PRKCE: variants seen among roughly 807,000 people sequenced by gnomAD.
PRKCE encodes the protein protein kinase C epsilon type.
PRKCE carries 16 observed loss-of-function variants against 85.4 expected under a neutral mutation model. The observed-to-expected ratio is 0.19, with a 90% CI of 0.13 to 0.28. PRKCE has a LOEUF of 0.28. Among genes scored for constraint, PRKCE ranks in the 10% least tolerant of loss-of-function variants. The pLI, the probability that PRKCE is intolerant of heterozygous loss-of-function variation, is 1.00. For synonymous variants in PRKCE, 388 were observed against 371.5 expected (o/e 1.04, Z -0.51); for missense variants, 573 against 975.2 (o/e 0.59, Z 5.49).
intron 2 of PRKCE, among the ~76,000 whole-genome samples, chr2:45,887,734 C>T (rs1299072904): frequency 2.0e-5 from 3 of 152,190 alleles, no homozygotes. Context: ...AAAGTTGGTA[C>T]CTGGATGCTG....
chr2:45,823,031 T>C (rs7576304), intron 1 of PRKCE, among the ~76,000 whole-genome samples: 75,623 of 152,032 alleles, frequency 0.5, 19,329 homozygotes, highest in Middle Eastern at 0.59. Flanking sequence ...CCCACCCCAA[T>C]TGACCAGGTG....
At chr2:45,682,439 T>A (rs1036674224) in intron 1 of PRKCE, among the ~76,000 whole-genome samples, 5 of 152,192 alleles carry the variant, frequency 3.3e-5, no homozygotes, top group Admixed American at 6.5e-5. Context: ...TTTATTTATT[T>A]TTTTTGAGAC....
chr2:46,024,202 G>A (rs1165636512), intron 10 of PRKCE, among the ~76,000 whole-genome samples: 1 of 152,140 alleles, frequency 6.6e-6, no homozygotes, highest in African/African-American at 2.4e-5. Flanking sequence ...AGTTGCCCAG[G>A]GCACCCTGGA....
intron 14 of PRKCE, among the ~76,000 whole-genome samples, chr2:46,173,090 A>G (rs2104669600): frequency 6.6e-6 from 1 of 152,374 alleles, no homozygotes; most frequent in South Asian, 2.1e-4. Flanking sequence ...GGGTCTGCGA[A>G]CTGCAGCCCA....
intron 10 of PRKCE, among the ~76,000 whole-genome samples, chr2:46,032,359 G>A (rs535307811): frequency 6.6e-6 from 1 of 152,228 alleles, no homozygotes; most frequent in African/African-American, 2.4e-5. Context: ...GGGGAGAGAG[G>A]ACAGCATTTG....
At chr2:46,055,488 A>G (rs868321499) in intron 10 of PRKCE, among the ~76,000 whole-genome samples, 1 of 152,212 alleles carries the variant, frequency 6.6e-6, no homozygotes, top group African/African-American at 2.4e-5. Flanking sequence ...GAAATTCATC[A>G]AAGCTAGTTA....
rs141957763 is a variant in PRKCE at position 46,120,466 on chromosome 2, C to T, written c.1593-24627C>T. Reference sequence around the variant, plus strand: ...TCAGTAGTGCCCAGGCTGGAAAACCCGCTCTAGATGCAAAGTTCTCTGCTC... The same window carrying T: ...TCAGTAGTGCCCAGGCTGGAAAACCTGCTCTAGATGCAAAGTTCTCTGCTC... On this transcript the variant is annotated intron_variant, in intron 11 of 14. Coordinates refer to ENST00000306156, the MANE Select transcript of PRKCE (RefSeq NM_005400.3). 4.8e-3 allele frequency among the ~76,000 whole-genome samples: 734 copies of T among 152,256 alleles called. 9 individuals are homozygous for T. The highest frequency in any genetic ancestry group is 0.017 in the Middle Eastern group (5 of 294).
At chr2:45,892,483 A>G (rs555752021) in intron 2 of PRKCE, among the ~76,000 whole-genome samples, 10 of 152,260 alleles carry the variant, frequency 6.6e-5, no homozygotes, top group African/African-American at 2.4e-4. Flanking sequence ...AGTGTTGACA[A>G]GCTGAGGACT....
intron 2 of PRKCE, among the ~76,000 whole-genome samples, chr2:45,972,048 C>T (rs2104501394): frequency 6.6e-6 from 1 of 152,310 alleles, no homozygotes. Flanking sequence ...ATACTGTTTC[C>T]TATAGTGGCT....
At chr2:45,756,808 G>T (rs1299399006) in intron 1 of PRKCE, among the ~76,000 whole-genome samples, 1 of 152,196 alleles carries the variant, frequency 6.6e-6, no homozygotes, top group Non-Finnish European at 1.5e-5. Context: ...GTTGCCTCAG[G>T]ATGGAGGTTG....
chr2:45,732,608 G>A (rs1292464417), intron 1 of PRKCE, among the ~76,000 whole-genome samples: 1 of 152,146 alleles, frequency 6.6e-6, no homozygotes, highest in East Asian at 1.9e-4. Context: ...TATCTTAGAT[G>A]CTGCTTCCTC....
At chr2:45,906,932 C>G (rs915550178) in intron 2 of PRKCE, among the ~76,000 whole-genome samples, 2 of 152,308 alleles carry the variant, frequency 1.3e-5, no homozygotes, top group African/African-American at 4.8e-5. Flanking sequence ...TCCTGCCGCC[C>G]TTCTTTAAGG....
At chr2:45,991,070 A>T (rs1034816065) in intron 6 of PRKCE, among the ~76,000 whole-genome samples, 1 of 150,484 alleles carries the variant, frequency 6.6e-6, no homozygotes, top group Non-Finnish European at 1.5e-5. Context: ...GCAGCGGTGC[A>T]ATCTCAGCTC....
At chr2:45,806,547 T>C (rs1214524355) in intron 1 of PRKCE, among the ~76,000 whole-genome samples, 1 of 152,224 alleles carries the variant, frequency 6.6e-6, no homozygotes, top group East Asian at 1.9e-4. Flanking sequence ...TCTTTTCATC[T>C]TGTAGAACCG....
chr2:45,916,024 G>C (rs933552839), intron 2 of PRKCE, among the ~76,000 whole-genome samples: 1 of 152,122 alleles, frequency 6.6e-6, no homozygotes, highest in Non-Finnish European at 1.5e-5. Flanking sequence ...ATTGGTGGTA[G>C]AACTTGGAGA....
At chr2:46,152,411 ACCT>A (rs1241439131) in intron 13 of PRKCE, among the ~76,000 whole-genome samples, 1 of 151,948 alleles carries the variant, frequency 6.6e-6, no homozygotes, top group African/African-American at 2.4e-5. Context: ...TGAACTCTTG[ACCT>A]CAGGTGATCC....
chr2:46,177,907 T>A (rs1411447420), intron 14 of PRKCE, among the ~76,000 whole-genome samples: 1 of 152,188 alleles, frequency 6.6e-6, no homozygotes, highest in Non-Finnish European at 1.5e-5. Flanking sequence ...CTTGGCACTG[T>A]TCAGACCGCA....
chr2:45,656,196 C>T (rs1675372221), intron 1 of PRKCE, among the ~76,000 whole-genome samples: 1 of 152,108 alleles, frequency 6.6e-6, no homozygotes, highest in African/African-American at 2.4e-5. Context: ...TTCTTAAGCC[C>T]CACTATTCAT....
At chr2:45,861,887 AGGTTTTGAAAATAAAT>A (rs552785687) in intron 2 of PRKCE, among the ~76,000 whole-genome samples, 31 of 152,292 alleles carry the variant, frequency 2.0e-4, no homozygotes, top group African/African-American at 7.2e-4. Flanking sequence ...TAATGAAGAG[AGGTTTTGAAAATAAAT>A]GGTTAAGTAA....
Sources: allele counts gnomAD v4.1 joint callset (sites outside exome capture counted in the v4.1 genomes callset), GRCh38; gene constraint gnomAD v4.1.1; transcripts MANE v1.5; gene names NCBI Gene and HGNC (gene_info 2026-07-23, HGNC 2026-07-21).